Variants in THRB observed in about 807,000 individuals in gnomAD.
THRB encodes thyroid hormone receptor beta, also known as nuclear receptor subfamily 1 group A member 2.
In THRB, 12 loss-of-function variants were observed where a neutral mutation model predicts 47.8. The observed-to-expected ratio is 0.25, with a 90% CI of 0.16 to 0.41. The LOEUF (loss-of-function observed/expected upper bound fraction) is 0.41, where lower values mean the gene tolerates loss of function less well. Among genes scored for constraint, THRB ranks in the 10% least tolerant of loss-of-function variants. The pLI is 1.00. For missense variants in THRB, 348 were observed against 589.2 expected, an observed-to-expected ratio of 0.59 and a Z score of 4.24; for synonymous variants, 218 against 212.2, an observed-to-expected ratio of 1.03 and a Z score of -0.24.
chr3:24,322,919 T>G (rs755642304), intron 2 of THRB, among the ~76,000 whole-genome samples: 9 of 152,196 alleles, frequency 5.9e-5, no homozygotes, highest in Non-Finnish European at 7.3e-5. Context: ...AAACACGATT[T>G]GGGTGCTAAT....
chr3:24,300,612 G>T (rs2056871189), intron 2 of THRB, among the ~76,000 whole-genome samples: 1 of 152,128 alleles, frequency 6.6e-6, no homozygotes, highest in Non-Finnish European at 1.5e-5. Flanking sequence ...AATAGAGTTT[G>T]CCAGATTGCT....
chr3:24,386,811 A>G (rs1029168750), intron 1 of THRB, among the ~76,000 whole-genome samples: 3 of 152,186 alleles, frequency 2.0e-5, no homozygotes, highest in African/African-American at 7.2e-5. Flanking sequence ...TTAAACCTGA[A>G]CAGAAAGCCT....
chr3:24,281,639 CG>C (rs1559818923), intron 3 of THRB, among the ~76,000 whole-genome samples: 25 of 81,746 alleles, frequency 3.1e-4, no homozygotes, highest in Admixed American at 5.9e-4. Flanking sequence ...CACAGACTGG[CG>C]AAATGGATAA....
intron 2 of THRB, among the ~76,000 whole-genome samples, chr3:24,315,149 G>T (rs535019485): frequency 2.0e-5 from 3 of 152,114 alleles, no homozygotes; most frequent in Admixed American, 2.0e-4. Flanking sequence ...TTGTCCATTG[G>T]AAGCCCATGC....
At chr3:24,204,248 C>A (rs758725251) in intron 4 of THRB, among the ~76,000 whole-genome samples, 3 of 152,218 alleles carry the variant, frequency 2.0e-5, no homozygotes, top group Non-Finnish European at 4.4e-5. Context: ...CTGCGAGGCA[C>A]CCCCCAGTAG....
chr3:24,402,487 C>A (rs36186467), intron 1 of THRB, among the ~76,000 whole-genome samples: 1 of 123,972 alleles, frequency 8.1e-6, no homozygotes, highest in Non-Finnish European at 1.6e-5. Context: ...ATTCACCAAC[C>A]CTTCTTTCTT....
At chr3:24,281,350 G>T (rs2054581805) in intron 3 of THRB, among the ~76,000 whole-genome samples, 1 of 151,288 alleles carries the variant, frequency 6.6e-6, no homozygotes. Flanking sequence ...CTTCATAAGT[G>T]AAGGAGAAAT....
At position 24,484,382 on chromosome 3, in the gene THRB, T is replaced by A. The variant is rs56339532; in HGVS notation, c.-261+10270A>T. 7.1e-3 allele frequency among the ~76,000 whole-genome samples: 1,081 copies of A among 152,328 alleles called. 12 individuals carry two copies. The highest frequency in any genetic ancestry group is 0.02 in the African/African-American group (819 of 41,582). On this transcript the variant is annotated intron_variant, in intron 1 of 10. Transcript: ENST00000646209. ...CTAGCCATAAGTGGCTATTAAGATG[T>A]GCTGCAAGTGTAAAATACACACCAG... is the stretch of plus-strand genomic sequence containing the variant.
intron 6 of THRB, among the ~76,000 whole-genome samples, chr3:24,148,209 C>G (rs1259183312): frequency 1.3e-5 from 2 of 152,226 alleles, no homozygotes; most frequent in Admixed American, 6.5e-5. Context: ...TCACTACAAC[C>G]TCCACCTCCA....
intron 3 of THRB, among the ~76,000 whole-genome samples, chr3:24,294,471 A>G (rs1216085967): frequency 1.3e-5 from 2 of 152,188 alleles, no homozygotes; most frequent in African/African-American, 2.4e-5. Flanking sequence ...ATTCTGGGCA[A>G]TTAGATGTAA....
chr3:24,160,662 C>T (rs149174790), intron 5 of THRB, among the ~76,000 whole-genome samples: 2 of 152,202 alleles, frequency 1.3e-5, no homozygotes, highest in African/African-American at 2.4e-5. Flanking sequence ...AAGTGGGCAC[C>T]GGTGAAGCCA....
rs766890390 is a variant in THRB at position 24,164,276 on chromosome 3, C to T, written c.284-11786G>A. Among the ~76,000 whole-genome samples the T allele has an allele frequency of 9.2e-5, 14 of 152,192 alleles. No homozygotes were observed. The Middle Eastern group carries it at 0.01, about 111-fold the overall frequency. On this transcript the variant is annotated intron_variant, in intron 5 of 10. Coordinates refer to ENST00000646209, the MANE Select transcript of THRB (RefSeq NM_001354712.2). ...AGAAATTTAAATAGCATTATAAAGCCACAGTGTCTATTAAGATAAATGGAT... is the reference window on the plus strand; with the variant it reads ...AGAAATTTAAATAGCATTATAAAGCTACAGTGTCTATTAAGATAAATGGAT...
intron 1 of THRB, among the ~76,000 whole-genome samples, chr3:24,449,776 G>A (rs1030103855): frequency 6.6e-6 from 1 of 152,098 alleles, no homozygotes; most frequent in Non-Finnish European, 1.5e-5. Flanking sequence ...TTCTGTGCTA[G>A]TTTTAGTAAT....
intron 1 of THRB, among the ~76,000 whole-genome samples, chr3:24,417,015 T>C (rs1447334547): frequency 6.6e-6 from 1 of 151,884 alleles, no homozygotes; most frequent in Non-Finnish European, 1.5e-5. Flanking sequence ...AAGTAGCTTT[T>C]ACAGGCTCAA....
chr3:24,230,127 G>A (rs985721130), intron 3 of THRB, among the ~76,000 whole-genome samples: 5 of 152,182 alleles, frequency 3.3e-5, no homozygotes, highest in African/African-American at 9.7e-5. Flanking sequence ...GGCAGAGGAA[G>A]TGTGTGGATT....
chr3:24,486,839 A>G (rs760162092), intron 1 of THRB, among the ~76,000 whole-genome samples: 20 of 152,156 alleles, frequency 1.3e-4, no homozygotes, highest in Non-Finnish European at 2.6e-4. Flanking sequence ...AGACTAAACA[A>G]CCTTATTCTA....
chr3:24,456,350 T>C (rs1181220740), intron 1 of THRB, among the ~76,000 whole-genome samples: 3 of 151,206 alleles, frequency 2.0e-5, no homozygotes, highest in African/African-American at 7.3e-5. Context: ...AAAAAAAAAG[T>C]TAAAAATGTT....
intron 1 of THRB, among the ~76,000 whole-genome samples, chr3:24,437,765 CA>C (rs1425769204): frequency 3.9e-5 from 6 of 151,968 alleles, no homozygotes; most frequent in Admixed American, 1.3e-4. Context: ...AAAGGAGATA[CA>C]GGGAAGAAAA....
chr3:24,442,302 C>T (rs934549537), intron 1 of THRB, among the ~76,000 whole-genome samples: 7 of 152,158 alleles, frequency 4.6e-5, no homozygotes, highest in African/African-American at 1.7e-4. Flanking sequence ...TCCTCACAAT[C>T]GGATGAGGAA....
Sources: allele counts gnomAD v4.1 joint callset (sites outside exome capture counted in the v4.1 genomes callset), GRCh38; gene constraint gnomAD v4.1.1; transcripts MANE v1.5; gene names NCBI Gene and HGNC (gene_info 2026-07-23, HGNC 2026-07-21).